The following ZBBX variants were observed in gnomAD, a reference collection of about 807,000 sequenced individuals.
ZBBX encodes zinc finger B-box domain-containing protein 1.
Under a neutral mutation model 108.5 loss-of-function variants are expected in ZBBX, and 101 were observed. The ratio of observed to expected loss-of-function variants is 0.93; its 90% CI spans 0.79 to 1.10. The LOEUF is 1.10. Ranked by LOEUF, ZBBX falls within the 50% of genes least tolerant of loss-of-function variation. The pLI, the probability that ZBBX is intolerant of heterozygous loss-of-function variation, is 0.00. For missense variants in ZBBX, 1,009 were observed against 941.4 expected, an observed-to-expected ratio of 1.07 and a Z score of -0.94; for synonymous variants, 356 against 323.4, an observed-to-expected ratio of 1.10 and a Z score of -1.08.
chr3:167,197,160 T>A, the ZBBX span, among the ~76,000 whole-genome samples: 1 of 152,212 alleles, frequency 6.6e-6, no homozygotes. Context: ...GAGGCACCAG[T>A]TGCAAACCAC....
downstream of ZBBX, among the ~76,000 whole-genome samples, chr3:167,238,771 C>T (rs1007266618): frequency 6.6e-6 from 1 of 152,066 alleles, no homozygotes; most frequent in Non-Finnish European, 1.5e-5. Context: ...CATGTTTTCT[C>T]CTCTTTCTTA....
intron 4 of ZBBX, 57 bp downstream of exon 4, chr3:167,372,777 C>A (rs1746345414): frequency 4.7e-6 from 4 of 854,830 alleles, no homozygotes; most frequent in Non-Finnish European, 7.4e-6. Flanking sequence ...GTCAAAATTA[C>A]AATATACAGA....
chr3:167,237,324 A>G (rs1720271988), downstream of ZBBX, among the ~76,000 whole-genome samples: 1 of 151,940 alleles, frequency 6.6e-6, no homozygotes, highest in Admixed American at 6.6e-5. Flanking sequence ...GCATGTCCAG[A>G]GGCTGTAAAA....
intron 9 of ZBBX, among the ~76,000 whole-genome samples, chr3:167,334,789 A>G (rs1307628167): frequency 6.6e-6 from 1 of 152,166 alleles, no homozygotes; most frequent in Non-Finnish European, 1.5e-5. Context: ...CTAATCTAGT[A>G]GGAGACTGAA....
chr3:167,197,852 A>G, the ZBBX span, among the ~76,000 whole-genome samples: 1 of 152,224 alleles, frequency 6.6e-6, no homozygotes, highest in African/African-American at 2.4e-5. Flanking sequence ...ATGAAATAAT[A>G]TTGACATATA....
chr3:167,350,692 T>C (rs1233981463), intron 8 of ZBBX, among the ~76,000 whole-genome samples, 177 bp from the exon 9 acceptor site: 5 of 151,598 alleles, frequency 3.3e-5, no homozygotes, highest in Admixed American at 2.6e-4. Context: ...TGGGACTAGT[T>C]GTCCCAGTTA....
chr3:167,329,570 T>C lies in ZBBX; in HGVS notation c.688-1454A>G, dbSNP rs1406488687. On this transcript the variant is annotated intron_variant, in intron 10 of 21. Coordinates refer to ENST00000675490, the MANE Select transcript of ZBBX (RefSeq NM_001199201.2). Reference sequence around the variant, plus strand: ...AAACTCAGGGGAAATGATGTCTGAATTGGATTTTGAAAGATAAAACAAGAA... The same window carrying C: ...AAACTCAGGGGAAATGATGTCTGAACTGGATTTTGAAAGATAAAACAAGAA... 2.0e-5 allele frequency among the ~76,000 whole-genome samples: 3 copies of C among 152,130 alleles called. No individual in the cohort carries two copies. In the East Asian group the frequency reaches 5.8e-4, roughly 29 times the overall value.
chr3:167,393,713 A>G (rs1748146573), intron 1 of ZBBX, among the ~76,000 whole-genome samples: 1 of 151,924 alleles, frequency 6.6e-6, no homozygotes, highest in Non-Finnish European at 1.5e-5. Flanking sequence ...TGTCCATAAT[A>G]GCAAACCAAG....
the ZBBX span, among the ~76,000 whole-genome samples, chr3:167,210,233 TTATGGAGTTGAAAAA>T: frequency 6.6e-6 from 1 of 152,000 alleles, no homozygotes; most frequent in Non-Finnish European, 1.5e-5. Context: ...CAAGCAGAAA[TTATGGAGTTGAAAAA>T]TGCAATTGAC....
chr3:167,351,415 T>A (rs1742627677), intron 8 of ZBBX, among the ~76,000 whole-genome samples: 2 of 152,064 alleles, frequency 1.3e-5, no homozygotes, highest in Non-Finnish European at 1.5e-5. Context: ...ATAGATTGCC[T>A]GAGAGAGAAC....
intron 18 of ZBBX, among the ~76,000 whole-genome samples, chr3:167,292,022 T>C (rs1239421962): frequency 2.6e-5 from 4 of 152,310 alleles, no homozygotes; most frequent in Admixed American, 6.5e-5. Context: ...TAAATATGTA[T>C]GCACCCAACA....
chr3:167,319,054 T>G (rs972485955), intron 12 of ZBBX, among the ~76,000 whole-genome samples: 3 of 151,964 alleles, frequency 2.0e-5, no homozygotes, highest in Non-Finnish European at 4.4e-5. Flanking sequence ...CAGTTTCTTA[T>G]AAAAATAAAC....
intron 20 of ZBBX, among the ~76,000 whole-genome samples, chr3:167,250,897 C>G (rs1722478479): frequency 6.6e-6 from 1 of 152,172 alleles, no homozygotes. Flanking sequence ...CCACCATGCT[C>G]TCATTCTGGG....
At chr3:167,330,293 A>T (rs544600493) in intron 10 of ZBBX, among the ~76,000 whole-genome samples, 3 of 152,276 alleles carry the variant, frequency 2.0e-5, no homozygotes, top group African/African-American at 7.2e-5. Context: ...GGGTTGCCTG[A>T]CTCCTAGAAG....
chr3:167,280,249 G>T (rs1378317602), intron 20 of ZBBX, among the ~76,000 whole-genome samples: 1 of 151,244 alleles, frequency 6.6e-6, no homozygotes, highest in Non-Finnish European at 1.5e-5. Context: ...TTGACAAACG[G>T]GATCTAATTA....
intron 20 of ZBBX, among the ~76,000 whole-genome samples, chr3:167,261,741 GAA>G (rs1724564013): frequency 8.3e-6 from 1 of 119,854 alleles, no homozygotes; most frequent in African/African-American, 3.3e-5. Flanking sequence ...ATATGGGTTT[GAA>G]AACTTGTCCC....
intron 6 of ZBBX, among the ~76,000 whole-genome samples, chr3:167,364,104 T>C (rs1470002555): frequency 6.6e-6 from 1 of 151,924 alleles, no homozygotes; most frequent in African/African-American, 2.4e-5. Flanking sequence ...TGGGGCCGAA[T>C]AATTCTTTGT....
chr3:167,379,893 G>T (rs1393405577), intron 1 of ZBBX, 101 bp from the exon 2 acceptor site: 1 of 152,240 alleles, frequency 6.6e-6, no homozygotes, highest in African/African-American at 2.4e-5. Context: ...AAAGGGTCGG[G>T]CTGCAGAAGG....
At chr3:167,298,526 C>T in intron 17 of ZBBX, 68 bp from the exon 18 acceptor site, 3 of 1,204,134 alleles carry the variant, frequency 2.5e-6, no homozygotes, top group Non-Finnish European at 3.3e-6. Flanking sequence ...ATTCATTTAT[C>T]AGATACCTAC....
Sources: allele counts gnomAD v4.1 joint callset (sites outside exome capture counted in the v4.1 genomes callset), GRCh38; gene constraint gnomAD v4.1.1; transcripts MANE v1.5; gene names NCBI Gene and HGNC (gene_info 2026-07-23, HGNC 2026-07-21).